Variants in RBPJ observed in about 807,000 individuals in gnomAD.
RBPJ encodes the protein recombining binding protein suppressor of hairless.
Under a neutral mutation model 67.8 loss-of-function variants are expected in RBPJ, and 9 were observed. That is an observed-to-expected ratio of 0.13 (90% CI 0.08 to 0.23). The LOEUF (loss-of-function observed/expected upper bound fraction) is 0.23, where lower values mean the gene tolerates loss of function less well. Ranked by LOEUF, RBPJ falls within the 10% of genes least tolerant of loss-of-function variation. The probability of loss-of-function intolerance (pLI) is 1.00; values close to 1 mark genes in which losing one functional copy is unlikely to be tolerated. For missense variants in RBPJ, 305 were observed against 595.6 expected (o/e 0.51, Z 5.08); for synonymous variants, 198 against 203.3 (o/e 0.97, Z 0.22).
chr4:26,389,636 G>A (rs995016338), intron 2 of RBPJ, among the ~76,000 whole-genome samples: 15 of 150,916 alleles, frequency 9.9e-5, no homozygotes, highest in East Asian at 9.8e-4. Context: ...TCACTATAGA[G>A]TCACAGATGT....
chr4:26,343,464 A>G (rs893920460), intron 1 of RBPJ, among the ~76,000 whole-genome samples: 1 of 152,192 alleles, frequency 6.6e-6, no homozygotes, highest in African/African-American at 2.4e-5. Flanking sequence ...TTGAAGCTAC[A>G]TATTTCCAGC....
At chr4:26,379,442 A>G (rs1447196037) in intron 1 of RBPJ, among the ~76,000 whole-genome samples, 2 of 152,194 alleles carry the variant, frequency 1.3e-5, no homozygotes, top group African/African-American at 4.8e-5. Context: ...TTAGTTCTGC[A>G]TGGCTGGGGA....
chr4:26,391,030 C>T (rs1277978853), intron 2 of RBPJ, among the ~76,000 whole-genome samples: 1 of 152,184 alleles, frequency 6.6e-6, no homozygotes, highest in Non-Finnish European at 1.5e-5. Flanking sequence ...GCACTCCAGC[C>T]TAGATGACAG....
intron 1 of RBPJ, among the ~76,000 whole-genome samples, chr4:26,268,244 T>G (rs1720768627): frequency 6.6e-6 from 1 of 152,004 alleles, no homozygotes; most frequent in Non-Finnish European, 1.5e-5. Flanking sequence ...CTCATTCCTT[T>G]ATTTTTTTTC....
chr4:26,386,790 C>T (rs192686743), intron 2 of RBPJ, among the ~76,000 whole-genome samples: 70 of 152,016 alleles, frequency 4.6e-4, no homozygotes, highest in South Asian at 4.1e-3. Context: ...AGAAAACACA[C>T]GTTTTATCTA....
the RBPJ span, among the ~76,000 whole-genome samples, chr4:26,152,961 C>T: frequency 1.3e-5 from 2 of 151,220 alleles, no homozygotes; most frequent in South Asian, 4.1e-4. Context: ...GCTTGGGATC[C>T]AAAGTGTCTG....
chr4:26,112,510 A>C, the RBPJ span: 1 of 151,420 alleles, frequency 6.6e-6, no homozygotes, highest in African/African-American at 2.4e-5. Flanking sequence ...TTTGAGTATA[A>C]TAAAAATGGA....
chr4:26,253,463 C>T (rs924619337), intron 1 of RBPJ, among the ~76,000 whole-genome samples: 7 of 149,548 alleles, frequency 4.7e-5, no homozygotes, highest in South Asian at 2.1e-4. Flanking sequence ...AGGCGCCCGC[C>T]ACTACGCCCG....
intron 1 of RBPJ, among the ~76,000 whole-genome samples, chr4:26,230,789 T>C (rs1426153170): frequency 2.0e-5 from 3 of 152,236 alleles, no homozygotes; most frequent in African/African-American, 4.8e-5. Context: ...CGACCTAGCA[T>C]CAAAATAGCC....
At chr4:26,308,166 G>C (rs1722301350) in intron 1 of RBPJ, among the ~76,000 whole-genome samples, 1 of 152,076 alleles carries the variant, frequency 6.6e-6, no homozygotes, top group South Asian at 2.1e-4. Context: ...GTCCCAGCTA[G>C]TCGGGAGGCT....
At chr4:26,286,038 G>GTTGCAGTGCGCTATGATCGTGCCA (rs72239054) in intron 1 of RBPJ, among the ~76,000 whole-genome samples, 5 of 86,490 alleles carry the variant, frequency 5.8e-5, no homozygotes, top group African/African-American at 1.4e-4. Context: ...GGAATTCAAG[G>GTTGCAGTGCGCTATGATCGTGCCA]CTGCAGTGCG....
Position 26,340,972 on chromosome 4 carries a change from GACGCCC to G in RBPJ, c.20+19926_20+19931del, listed in dbSNP as rs565327582. Among the ~76,000 whole-genome samples, 265 of 152,306 alleles carry G rather than the reference GACGCCC, an allele frequency of 1.7e-3. 2 individuals carry two copies. The highest frequency in any genetic ancestry group is 6.0e-3 in the African/African-American group (250 of 41,568). On this transcript the variant is annotated intron_variant, in intron 1 of 10. Coordinates refer to ENST00000355476, the MANE Select transcript of RBPJ (RefSeq NM_015874.6). ...ATGTGCTAGTTTGAAATGCTTTTTA[GACGCCC>G]AAGAGGAAATGTCTTTTGAGACAGC...
At chr4:26,393,742 A>G (rs759399797) in intron 2 of RBPJ, among the ~76,000 whole-genome samples, 1 of 152,044 alleles carries the variant, frequency 6.6e-6, no homozygotes, top group Non-Finnish European at 1.5e-5. Context: ...AAGTTAGGAA[A>G]ATTTTAGTAT....
chr4:26,322,775 G>A (rs1723222949), intron 1 of RBPJ: 1 of 151,784 alleles, frequency 6.6e-6, no homozygotes, highest in Non-Finnish European at 1.5e-5. Context: ...TTTTGGTAAT[G>A]CTAAAAGCTT....
chr4:26,240,606 A>AG (rs1719603130), intron 1 of RBPJ, among the ~76,000 whole-genome samples: 1 of 152,212 alleles, frequency 6.6e-6, no homozygotes, highest in Non-Finnish European at 1.5e-5. Flanking sequence ...TGTCTATGGA[A>AG]GGGGGTCCTT....
chr4:26,169,306 G>T (rs1716460170), intron 1 of RBPJ, among the ~76,000 whole-genome samples: 1 of 152,232 alleles, frequency 6.6e-6, no homozygotes, highest in Admixed American at 6.5e-5. Flanking sequence ...ACCCTCAGCT[G>T]CAGGTCTGTT....
At chr4:26,171,538 G>T (rs1322043867) in intron 1 of RBPJ, among the ~76,000 whole-genome samples, 1 of 152,182 alleles carries the variant, frequency 6.6e-6, no homozygotes, top group East Asian at 1.9e-4. Context: ...ACTCCAGCCT[G>T]GGTGACAGAG....
At chr4:26,418,598 C>T (rs1734822383) in intron 4 of RBPJ, among the ~76,000 whole-genome samples, 1 of 151,894 alleles carries the variant, frequency 6.6e-6, no homozygotes, top group Non-Finnish European at 1.5e-5. Flanking sequence ...TCTTGTTTGC[C>T]AATATGTCTT....
intron 1 of RBPJ, among the ~76,000 whole-genome samples, chr4:26,309,284 T>G (rs1452183061): frequency 6.6e-6 from 1 of 152,214 alleles, no homozygotes; most frequent in Non-Finnish European, 1.5e-5. Flanking sequence ...CCCAAAGAGC[T>G]GGGATTATAG....
Sources: allele counts gnomAD v4.1 joint callset (sites outside exome capture counted in the v4.1 genomes callset), GRCh38; gene constraint gnomAD v4.1.1; transcripts MANE v1.5; gene names NCBI Gene and HGNC (gene_info 2026-07-23, HGNC 2026-07-21).